STK32B: variants seen among roughly 807,000 people sequenced by gnomAD.
STK32B encodes serine/threonine kinase 32B.
A neutral mutation model predicts 52.6 loss-of-function variants in STK32B; 43 were observed. The observed-to-expected ratio is 0.82, with a 90% confidence interval of 0.64 to 1.05. The LOEUF is 1.05. Ranked by LOEUF, STK32B falls within the 50% of genes least tolerant of loss-of-function variation. The probability of loss-of-function intolerance (pLI) is 0.00; values close to 1 mark genes in which losing one functional copy is unlikely to be tolerated. For missense variants in STK32B, 621 were observed against 534.6 expected (o/e 1.16, Z -1.59); for synonymous variants, 238 against 204.3 (o/e 1.17, Z -1.41).
chr4:5,430,889 A>G (rs1484796139), intron 6 of STK32B, among the ~76,000 whole-genome samples: 1 of 152,132 alleles, frequency 6.6e-6, no homozygotes, highest in Admixed American at 6.5e-5. Flanking sequence ...TGTGCCTTAA[A>G]TAGGGTCTCT....
chr4:5,029,632 CGGCTCCTGCAGACGAACCCA>C, the STK32B span, among the ~76,000 whole-genome samples: 5 of 152,176 alleles, frequency 3.3e-5, no homozygotes, highest in African/African-American at 1.2e-4. Context: ...TCCTCCCCGA[CGGCTCCTGCAGACGAACCCA>C]GGCTGTCCGA....
At position 5,398,201 on chromosome 4, in the gene STK32B, T is replaced by A; in HGVS notation, c.435-6T>A. The A allele has an allele frequency of 6.2e-7, 1 of 1,614,058 alleles. No individual in the cohort carries two copies. The highest frequency in any genetic ancestry group is 8.5e-7 in the Non-Finnish European group (1 of 1,179,988). ...ACATTGCCAGCTTCTTTGTTTTCTTTTACAGAGACATCAAGCCAGACAATA... is the reference window on the plus strand; with the variant it reads ...ACATTGCCAGCTTCTTTGTTTTCTTATACAGAGACATCAAGCCAGACAATA... On this transcript the variant is annotated splice_region_variant and splice_polypyrimidine_tract_variant and intron_variant, in intron 4 of 11. Coordinates refer to ENST00000282908, the MANE Select transcript of STK32B (RefSeq NM_018401.3). The surrounding 1 kb of genome is among the most constrained non-coding windows in gnomAD (Gnocchi z 4.9).
chr4:5,322,839 A>T (rs182980426), intron 3 of STK32B, among the ~76,000 whole-genome samples: 1 of 152,294 alleles, frequency 6.6e-6, no homozygotes. Flanking sequence ...GATTTCCCCC[A>T]GCAACAGGCA....
intron 9 of STK32B, among the ~76,000 whole-genome samples, chr4:5,463,829 C>T (rs1206835649): frequency 5.9e-5 from 9 of 152,186 alleles, no homozygotes; most frequent in African/African-American, 1.2e-4. Context: ...CAGTCTCCTA[C>T]CCCTCCTTCA....
intron 1 of STK32B, among the ~76,000 whole-genome samples, chr4:5,115,142 G>C (rs1221086620): frequency 1.3e-5 from 2 of 152,168 alleles, no homozygotes; most frequent in Non-Finnish European, 2.9e-5. Context: ...ATCTCAAGCT[G>C]TCCTGCATTT....
intron 6 of STK32B, among the ~76,000 whole-genome samples, chr4:5,422,474 C>T (rs1712726545): frequency 6.6e-6 from 1 of 152,010 alleles, no homozygotes; most frequent in Non-Finnish European, 1.5e-5. Context: ...TTGCATAGGG[C>T]TGAATTTTCA....
intron 3 of STK32B, among the ~76,000 whole-genome samples, chr4:5,274,892 C>T (rs183909131): frequency 2.0e-5 from 3 of 152,192 alleles, no homozygotes; most frequent in Non-Finnish European, 4.4e-5. Context: ...TCCAGCGAGG[C>T]GCCCATTGCC....
At chr4:5,123,817 A>T (rs1038132524) in intron 1 of STK32B, among the ~76,000 whole-genome samples, 4 of 144,808 alleles carry the variant, frequency 2.8e-5, no homozygotes, top group Admixed American at 6.8e-5. Context: ...TTTTGGGGGG[A>T]TACAATTTGA....
chr4:5,413,683 C>T (rs1322137573), intron 5 of STK32B, among the ~76,000 whole-genome samples: 1 of 152,122 alleles, frequency 6.6e-6, no homozygotes, highest in Non-Finnish European at 1.5e-5. Flanking sequence ...AAAATATTTG[C>T]AATACACATA....
At chr4:5,226,427 A>G (rs1420826685) in intron 3 of STK32B, among the ~76,000 whole-genome samples, 2 of 152,228 alleles carry the variant, frequency 1.3e-5, no homozygotes, top group East Asian at 3.9e-4. Context: ...AAAACATTAA[A>G]TGAAAAATTT....
At chr4:5,025,938 T>C in the STK32B span, among the ~76,000 whole-genome samples, 1 of 152,166 alleles carries the variant, frequency 6.6e-6, no homozygotes, top group Non-Finnish European at 1.5e-5. Context: ...CTTGTCTCTT[T>C]CTCTAACACA....
chr4:5,356,959 T>C (rs1406834625), intron 4 of STK32B, among the ~76,000 whole-genome samples: 3 of 151,824 alleles, frequency 2.0e-5, no homozygotes, highest in Non-Finnish European at 2.9e-5. Context: ...GATCGTGCCA[T>C]TGCACTCCAG....
chr4:5,030,877 A>G, the STK32B span, among the ~76,000 whole-genome samples: 1 of 152,212 alleles, frequency 6.6e-6, no homozygotes, highest in African/African-American at 2.4e-5. Flanking sequence ...GTGTGTATGT[A>G]TAGACACATG....
Position 5,466,802 on chromosome 4 carries a change from T to G in STK32B, c.1009T>G (p.Ser337Ala). 6.2e-7 allele frequency: 1 copy of G among 1,613,894 alleles called. No homozygotes were observed. ...GAAGAAGCGATTGGCAAAGAACAGA[T>G]CCAGGGATGGCACAAAGGACAGCTG... ...KKKKRLAKNR[S>A]RDGTKDSCPL... is the part of the protein sequence containing the mutation. Residue 337 changes from serine to alanine, a missense_variant, in exon 10 of 12, where the codon TCC (serine) becomes GCC (alanine). By Grantham distance (99) the Ser-to-Ala change is moderately conservative. Coordinates refer to ENST00000282908, the MANE Select transcript of STK32B (RefSeq NM_018401.3).
At chr4:5,449,187 A>G (rs1280199936) in intron 7 of STK32B, among the ~76,000 whole-genome samples, 2 of 152,266 alleles carry the variant, frequency 1.3e-5, no homozygotes, top group African/African-American at 2.4e-5. Context: ...CTAAAAATAC[A>G]AAAAAATTAT....
intron 3 of STK32B, among the ~76,000 whole-genome samples, chr4:5,322,509 T>G (rs981489631): frequency 5.9e-5 from 9 of 152,164 alleles, no homozygotes; most frequent in Non-Finnish European, 1.3e-4. Flanking sequence ...GTTGTAGACA[T>G]GTGGTTTGTC....
chr4:5,120,467 GTTA>G (rs1158190315), intron 1 of STK32B, among the ~76,000 whole-genome samples: 1 of 152,110 alleles, frequency 6.6e-6, no homozygotes, highest in Non-Finnish European at 1.5e-5. Flanking sequence ...TCCATATTTA[GTTA>G]TTGTTAATTT....
intron 3 of STK32B, among the ~76,000 whole-genome samples, chr4:5,200,469 G>A (rs1437588383): frequency 1.3e-5 from 2 of 152,082 alleles, no homozygotes; most frequent in Non-Finnish European, 2.9e-5. Context: ...GGGAGTCGTG[G>A]CTCCCAGTTG....
intron 7 of STK32B, among the ~76,000 whole-genome samples, chr4:5,447,839 T>G (rs1715607292): frequency 6.6e-6 from 1 of 152,220 alleles, no homozygotes; most frequent in South Asian, 2.1e-4. Context: ...AGACATGGTT[T>G]GCCTGAGACT....
Sources: allele counts gnomAD v4.1 joint callset (sites outside exome capture counted in the v4.1 genomes callset), GRCh38; gene constraint gnomAD v4.1.1; non-coding constraint Gnocchi (gnomAD v3.1); transcripts MANE v1.5; gene names NCBI Gene and HGNC (gene_info 2026-07-23, HGNC 2026-07-21).